Variants in MARCHF1 observed in about 807,000 individuals in gnomAD.
The protein encoded by MARCHF1 is membrane associated ring-CH-type finger 1.
In MARCHF1, 40 loss-of-function variants were observed where a neutral mutation model predicts 54.2. The observed-to-expected ratio is 0.74, with a 90% CI of 0.57 to 0.96. MARCHF1 has a LOEUF of 0.96. Among genes scored for constraint, MARCHF1 ranks in the 40% least tolerant of loss-of-function variants. The pLI is 0.00. For missense variants in MARCHF1, 586 were observed against 656.5 expected (o/e 0.89, Z 1.17); for synonymous variants, 236 against 236.3 (o/e 1.00, Z 0.01).
Position 164,167,724 on chromosome 4 carries a change from T to G in MARCHF1, c.-322-56062A>C, listed in dbSNP as rs116754905. On this transcript the variant is annotated intron_variant, in intron 1 of 9. Transcript: ENST00000514618. ...GGTCTTAGAAAACTGAATTTCCACCTGCAAAAGAATAAAATAGAACCCTTA... is the reference window on the plus strand; with the variant it reads ...GGTCTTAGAAAACTGAATTTCCACCGGCAAAAGAATAAAATAGAACCCTTA... Among the ~76,000 whole-genome samples the G allele has an allele frequency of 5.5e-3, 837 of 151,944 alleles. 6 individuals carry two copies. Among genetic ancestry groups the G allele is most frequent in the African/African-American group, 0.019 (784 of 41,508 alleles).
intron 3 of MARCHF1, among the ~76,000 whole-genome samples, chr4:163,874,032 C>G (rs1750236655): frequency 6.6e-6 from 1 of 152,178 alleles, no homozygotes; most frequent in Non-Finnish European, 1.5e-5. Flanking sequence ...ATTTAATAAG[C>G]ATTCTCCTCT....
chr4:164,272,380 A>T (rs1315513868), intron 1 of MARCHF1, among the ~76,000 whole-genome samples: 1 of 152,184 alleles, frequency 6.6e-6, no homozygotes, highest in Admixed American at 6.5e-5. Flanking sequence ...CAGCAAAAAA[A>T]TAAGTAAAAA....
At chr4:164,281,209 G>C (rs1016501022) in intron 1 of MARCHF1, among the ~76,000 whole-genome samples, 10 of 152,242 alleles carry the variant, frequency 6.6e-5, no homozygotes, top group African/African-American at 2.2e-4. Context: ...TCAAGCAAAA[G>C]CTTGATTGTG....
chr4:163,556,058 A>G (rs2110958152), intron 8 of MARCHF1: 1 of 443,848 alleles, frequency 2.3e-6, no homozygotes, highest in East Asian at 7.0e-5. Context: ...GGCCCAGAGC[A>G]CTGAGTTGAC....
At chr4:163,880,818 G>A (rs1750399474) in intron 3 of MARCHF1, among the ~76,000 whole-genome samples, 2 of 151,854 alleles carry the variant, frequency 1.3e-5, no homozygotes, top group South Asian at 4.2e-4. Context: ...GAAAGTATAT[G>A]GAGCACATTT....
At chr4:163,944,853 G>C (rs1276127527) in intron 3 of MARCHF1, among the ~76,000 whole-genome samples, 1 of 152,070 alleles carries the variant, frequency 6.6e-6, no homozygotes, top group Non-Finnish European at 1.5e-5. Flanking sequence ...TGTGAGTTTT[G>C]CAAGAGTAAT....
chr4:164,165,884 C>T (rs115432911), intron 1 of MARCHF1, among the ~76,000 whole-genome samples: 2,496 of 151,998 alleles, frequency 0.016, 59 homozygotes, highest in African/African-American at 0.056. Flanking sequence ...CAGTGGGTCA[C>T]CAGAGTAATT....
At chr4:164,147,623 G>A (rs1427021044) in intron 1 of MARCHF1, among the ~76,000 whole-genome samples, 1 of 142,500 alleles carries the variant, frequency 7.0e-6, no homozygotes, top group Non-Finnish European at 1.5e-5. Context: ...ACTGAACAAT[G>A]AGAACACATG....
intron 1 of MARCHF1, among the ~76,000 whole-genome samples, chr4:164,289,666 A>T (rs114290132): frequency 0.023 from 3,554 of 151,486 alleles, 94 homozygotes; most frequent in East Asian, 0.13. Flanking sequence ...CTGCTCCAGC[A>T]ACCTTCCCTC....
chr4:163,710,799 A>G (rs188113679), intron 4 of MARCHF1, among the ~76,000 whole-genome samples: 2 of 152,300 alleles, frequency 1.3e-5, no homozygotes, highest in Admixed American at 1.3e-4. Flanking sequence ...GATGGAAAAT[A>G]AGGGCATTCA....
rs1299675093 is a variant in MARCHF1 at position 163,526,416 on chromosome 4, GATGTTTTTCCCCGGGA to G, written c.*2316_*2331del. The G allele has an allele frequency of 1.2e-4, 18 of 151,972 alleles. No homozygotes were observed. The highest frequency in any genetic ancestry group is 4.3e-4 in the African/African-American group (18 of 41,400). The allele number at this position is 151,972 out of a possible 1,614,324, so 9.4% of individuals were successfully genotyped here. A position where few individuals can be genotyped will look rare whatever the true frequency, so the allele number is the denominator to read the frequency against. The stretch of plus-strand genomic sequence containing the variant: ...ACATTTCTTTGTTTGCTGGTGTCTG[GATGTTTTTCCCCGGGA>G]ATATCTGTAAGCAGCATGTTGCCAT... On this transcript the variant is annotated 3_prime_UTR_variant, in exon 10 of 10. Transcript: ENST00000514618.
intron 2 of MARCHF1, among the ~76,000 whole-genome samples, chr4:164,105,837 T>C (rs28840993): frequency 0.17 from 22,587 of 133,888 alleles, 2,571 homozygotes; most frequent in Non-Finnish European, 0.25. Context: ...TAACCTACAA[T>C]ATGGGAGAAA....
intron 3 of MARCHF1, among the ~76,000 whole-genome samples, chr4:163,919,564 A>G (rs1751380038): frequency 6.6e-6 from 1 of 151,986 alleles, no homozygotes; most frequent in Non-Finnish European, 1.5e-5. Context: ...TATTTATATT[A>G]TAGTTGCAAA....
chr4:164,034,092 T>C (rs988300630), intron 2 of MARCHF1, among the ~76,000 whole-genome samples: 8 of 144,102 alleles, frequency 5.6e-5, no homozygotes, highest in African/African-American at 1.8e-4. Context: ...GATAGATAGA[T>C]AGATAGATAG....
At chr4:163,729,493 C>A (rs992259219) in intron 4 of MARCHF1, among the ~76,000 whole-genome samples, 4 of 151,898 alleles carry the variant, frequency 2.6e-5, no homozygotes, top group Non-Finnish European at 5.9e-5. Context: ...TGCTTAATGT[C>A]TTAGAAAGTT....
intron 3 of MARCHF1, among the ~76,000 whole-genome samples, chr4:163,976,162 T>G (rs998081290): frequency 1.3e-5 from 2 of 152,214 alleles, no homozygotes; most frequent in African/African-American, 4.8e-5. Flanking sequence ...AACTGCTGTA[T>G]GTCTCTAATT....
At chr4:164,143,737 A>G (rs1729566556) in intron 1 of MARCHF1, among the ~76,000 whole-genome samples, 1 of 152,220 alleles carries the variant, frequency 6.6e-6, no homozygotes. Context: ...TGTAAAGACC[A>G]TAGAGACTAG....
At chr4:164,322,385 C>T (rs954647975) in intron 1 of MARCHF1, among the ~76,000 whole-genome samples, 1 of 151,828 alleles carries the variant, frequency 6.6e-6, no homozygotes, top group African/African-American at 2.4e-5. Context: ...AGTGTGATTG[C>T]TGGATCACAT....
chr4:163,801,124 T>C (rs139342350), intron 4 of MARCHF1, among the ~76,000 whole-genome samples: 2 of 152,176 alleles, frequency 1.3e-5, no homozygotes, highest in African/African-American at 4.8e-5. Context: ...ATTGGTGATA[T>C]CATCATGACG....
Sources: gnomAD v4.1 joint callset for allele counts (sites outside exome capture counted in the v4.1 genomes callset) on GRCh38, gnomAD v4.1.1 for gene constraint, MANE v1.5 for transcripts, NCBI Gene and HGNC (gene_info 2026-07-23, HGNC 2026-07-21) for gene names.